CLASP2: variants seen among roughly 807,000 people sequenced by gnomAD.
The protein encoded by CLASP2 is cytoplasmic linker associated protein 2, also known as CLIP-associating protein 2.
Under a neutral mutation model 194.4 loss-of-function variants are expected in CLASP2, and 47 were observed. The observed-to-expected ratio is 0.24, with a 90% CI of 0.19 to 0.31. CLASP2 has a LOEUF of 0.31. Among genes scored for constraint, CLASP2 ranks in the 10% least tolerant of loss-of-function variants. The pLI is 1.00. For missense variants in CLASP2, 1,445 were observed against 1,823.6 expected (o/e 0.79, Z 3.78); for synonymous variants, 619 against 633.5 (o/e 0.98, Z 0.34).
chr3:33,529,133 T>C (rs1442636570), intron 34 of CLASP2, among the ~76,000 whole-genome samples: 1 of 152,118 alleles, frequency 6.6e-6, no homozygotes, highest in Non-Finnish European at 1.5e-5. Flanking sequence ...GAAAGAGCTC[T>C]ACAATGAGAA....
At chr3:33,531,452 A>T (rs1432987199) in intron 34 of CLASP2, among the ~76,000 whole-genome samples, 1 of 152,198 alleles carries the variant, frequency 6.6e-6, no homozygotes, top group Non-Finnish European at 1.5e-5. Context: ...GATGCTCAGC[A>T]TTACTAATCA....
chr3:33,634,671 G>GATTTTAAGTATTCTCACCACTAA (rs1487734525), intron 8 of CLASP2, among the ~76,000 whole-genome samples: 3 of 152,172 alleles, frequency 2.0e-5, no homozygotes, highest in Non-Finnish European at 2.9e-5. Context: ...ATTGCTGAGA[G>GATTTTAAGTATTCTCACCACTAA]ATTTTAAGTA....
intron 19 of CLASP2, among the ~76,000 whole-genome samples, chr3:33,596,270 T>C (rs1435090249): frequency 6.6e-6 from 1 of 152,152 alleles, no homozygotes; most frequent in Non-Finnish European, 1.5e-5. Flanking sequence ...AAAGTCGGCC[T>C]CTGTAACTTG....
chr3:33,713,451 G>A (rs1322265863), intron 1 of CLASP2, among the ~76,000 whole-genome samples: 1 of 152,034 alleles, frequency 6.6e-6, no homozygotes. Context: ...AATGGAATAG[G>A]CAACATCAAT....
intron 1 of CLASP2, 73 bp downstream of exon 1, chr3:33,717,735 C>T: frequency 6.7e-7 from 1 of 1,492,804 alleles, no homozygotes; most frequent in South Asian, 1.2e-5. Flanking sequence ...CTTTCCCGGC[C>T]CGGCGCTCGC....
At chr3:33,615,782 GA>G (rs2076049564) in intron 12 of CLASP2, among the ~76,000 whole-genome samples, 1 of 151,928 alleles carries the variant, frequency 6.6e-6, no homozygotes, top group Non-Finnish European at 1.5e-5. Context: ...AGAATGTCAT[GA>G]AACTAAAAAA....
At position 33,535,422 on chromosome 3, in the gene CLASP2, C is replaced by T; in HGVS notation, c.3598G>A (p.Gly1200Ser). 1 of 1,613,972 alleles carries T rather than the reference C, an allele frequency of 6.2e-7. No individual in the cohort carries two copies. The highest frequency in any genetic ancestry group is 8.5e-7 in the Non-Finnish European group (1 of 1,179,868). The change falls in exon 34 of 39, where the codon GGT (glycine) becomes AGT (serine). Residue 1200 changes from glycine to serine, a missense_variant. By Grantham distance (56) the Gly-to-Ser change is moderately conservative. This residue lies in a region of CLASP2 where 732 missense variants were observed against 987.9 expected (regional missense o/e 0.74). Coordinates refer to ENST00000682230, the MANE Select transcript of CLASP2 (RefSeq NM_001365631.1). ...GTTTGACTTGAGTCAGTAGCATCAC[C>T]TCCTGCTCTTGGGTCAGACATCCCA... Reference protein sequence around the residue: ...GPGMSDPRAGGDATDSSQTAL... With the variant: ...GPGMSDPRAGSDATDSSQTAL...
At chr3:33,563,742 T>C (rs1394481915) in intron 27 of CLASP2, among the ~76,000 whole-genome samples, 1 of 152,226 alleles carries the variant, frequency 6.6e-6, no homozygotes, top group East Asian at 1.9e-4. Context: ...TGTCTCTTTG[T>C]TACCATCAGA....
At chr3:33,637,772 TATATTC>T (rs1198988661) in intron 8 of CLASP2, among the ~76,000 whole-genome samples, 1 of 152,232 alleles carries the variant, frequency 6.6e-6, no homozygotes. Context: ...ATGAGGCTGG[TATATTC>T]AGTGCTGCAG....
intron 25 of CLASP2, 127 bp downstream of exon 25, chr3:33,572,983 T>C (rs2064105085): frequency 9.6e-7 from 1 of 1,046,050 alleles, no homozygotes; most frequent in East Asian, 2.4e-5. Flanking sequence ...AAAAACACTT[T>C]GAAGCAACCA....
At chr3:33,618,700 G>A in intron 12 of CLASP2, among the ~76,000 whole-genome samples, 1 of 152,184 alleles carries the variant, frequency 6.6e-6, no homozygotes, top group South Asian at 2.1e-4. Flanking sequence ...AATATACTAT[G>A]TATACTTACA....
chr3:33,700,475 AAACT>A lies in CLASP2; in HGVS notation c.196-3546_196-3543del, dbSNP rs1198234243. On this transcript the variant is annotated intron_variant, in intron 1 of 38. Transcript: ENST00000682230. ...AAATATATGTATTTAATTACTCTAA[AAACT>A]AACTGACACTCTAAAACAAATACTA... is the stretch of plus-strand genomic sequence containing the variant. Among the ~76,000 whole-genome samples, 9 of 152,120 alleles carry A rather than the reference AAACT, an allele frequency of 5.9e-5. 1 individual carries two copies. Among genetic ancestry groups the A allele is most frequent in the Admixed American group, 5.2e-4 (8 of 15,260 alleles).
chr3:33,602,759 T>TGA (rs2072623136), intron 18 of CLASP2, 193 bp downstream of exon 18: 1 of 692,508 alleles, frequency 1.4e-6, no homozygotes, highest in Admixed American at 2.2e-5. Flanking sequence ...AAGACGATGA[T>TGA]GAGAACAAGG....
At chr3:33,577,661 C>T (rs1377189547) in intron 23 of CLASP2, among the ~76,000 whole-genome samples, 1 of 152,152 alleles carries the variant, frequency 6.6e-6, no homozygotes, top group Non-Finnish European at 1.5e-5. Flanking sequence ...ACAGATGGTG[C>T]TATGGTCTAA....
At chr3:33,711,968 T>A (rs1340987310) in intron 1 of CLASP2, among the ~76,000 whole-genome samples, 6 of 152,192 alleles carry the variant, frequency 3.9e-5, no homozygotes, top group Admixed American at 3.3e-4. Flanking sequence ...CCCTAAAGAA[T>A]CCTAAAAGTA....
chr3:33,605,541 C>T (rs1444920767), intron 16 of CLASP2, among the ~76,000 whole-genome samples: 1 of 152,104 alleles, frequency 6.6e-6, no homozygotes, highest in African/African-American at 2.4e-5. Flanking sequence ...CTTGCCTCAC[C>T]CTGGTCCCAG....
chr3:33,686,525 G>A (rs1188718404), intron 5 of CLASP2, among the ~76,000 whole-genome samples: 3 of 152,154 alleles, frequency 2.0e-5, no homozygotes, highest in African/African-American at 7.2e-5. Flanking sequence ...ATGATCTGAG[G>A]TAGAACAGTT....
intron 27 of CLASP2, among the ~76,000 whole-genome samples, chr3:33,566,120 GTTCTTGT>G (rs1424702482): frequency 6.6e-6 from 1 of 152,130 alleles, no homozygotes; most frequent in Admixed American, 6.5e-5. Context: ...AACACAAAGG[GTTCTTGT>G]CAGATGTTAA....
chr3:33,576,211 C>G lies in CLASP2; in HGVS notation c.2412G>C (p.Leu804=). ...LSSSVSAMRV[L]NTGSDVEEAV... The stretch of plus-strand genomic sequence containing the variant: ...CCTCCTCCACATCAGAACCTGTGTT[C>G]AGGACTCGCATGGCACTAACAGAAG... The change falls in exon 24 of 39, where the codon CTG becomes CTC. Residue 804 remains leucine, a synonymous_variant. Coordinates refer to ENST00000682230, the MANE Select transcript of CLASP2 (RefSeq NM_001365631.1). The G allele has an allele frequency of 6.2e-7, 1 of 1,613,898 alleles. No homozygotes were observed. The highest frequency in any genetic ancestry group is 8.5e-7 in the Non-Finnish European group (1 of 1,179,802).
Sources: gnomAD v4.1 joint callset for allele counts (sites outside exome capture counted in the v4.1 genomes callset) on GRCh38, gnomAD v4.1.1 for gene constraint, gnomAD v4.1.1 regional missense constraint, MANE v1.5 for transcripts, NCBI Gene and HGNC (gene_info 2026-07-23, HGNC 2026-07-21) for gene names.